The following ADD1 variants were observed in gnomAD, a reference collection of about 807,000 sequenced individuals.
ADD1 encodes the protein adducin 1, also known as alpha-adducin.
Under a neutral mutation model 80.5 loss-of-function variants are expected in ADD1, and 24 were observed. That is an observed-to-expected ratio of 0.30 (90% CI 0.22 to 0.42). The LOEUF (loss-of-function observed/expected upper bound fraction) is 0.42, where lower values mean the gene tolerates loss of function less well. Among genes scored for constraint, ADD1 ranks in the 10% least tolerant of loss-of-function variants. The pLI is 1.00. For synonymous variants in ADD1, 373 were observed against 393.8 expected, an observed-to-expected ratio of 0.95 and a Z score of 0.63; for missense variants, 948 against 1,019.0, an observed-to-expected ratio of 0.93 and a Z score of 0.95.
At chr4:2,870,773 C>T (rs747159857) in intron 1 of ADD1, among the ~76,000 whole-genome samples, 1 of 152,108 alleles carries the variant, frequency 6.6e-6, no homozygotes, top group Non-Finnish European at 1.5e-5. Flanking sequence ...ACTATTTCAA[C>T]CCTCCAAAGA....
chr4:2,878,714 T>C (rs1199493289), intron 2 of ADD1, among the ~76,000 whole-genome samples: 3 of 151,954 alleles, frequency 2.0e-5, no homozygotes, highest in Non-Finnish European at 4.4e-5. Flanking sequence ...CACTTGAGTT[T>C]AGGAGTTTGA....
intron 12 of ADD1, 39 bp downstream of exon 12, chr4:2,908,643 G>T (rs1368475984): frequency 6.5e-7 from 1 of 1,530,184 alleles, no homozygotes; most frequent in South Asian, 1.1e-5. Flanking sequence ...GTGGGTGGTG[G>T]CTGTGTGACC....
chr4:2,856,774 A>G (rs1728144811), intron 1 of ADD1, among the ~76,000 whole-genome samples: 1 of 151,408 alleles, frequency 6.6e-6, no homozygotes, highest in African/African-American at 2.4e-5. Context: ...TATTTTTAAT[A>G]GAGATGGGGT....
chr4:2,863,203 G>A (rs1037268269), intron 1 of ADD1, among the ~76,000 whole-genome samples: 4 of 148,720 alleles, frequency 2.7e-5, no homozygotes, highest in Non-Finnish European at 4.4e-5. Flanking sequence ...ATGCCACCAC[G>A]CCCAGCTAAT....
chr4:2,858,937 C>T lies in ADD1; in HGVS notation c.-21+14913C>T, dbSNP rs35492071. ...GCCCCAACAACCTGGGAACATATCA[C>T]CGAGTGTATTTTATTACAAATGTGG... is the stretch of plus-strand genomic sequence containing the variant. On this transcript the variant is annotated intron_variant, in intron 1 of 15. Coordinates refer to ENST00000683351, the MANE Select transcript of ADD1 (RefSeq NM_001354761.2). 9.9e-3 allele frequency among the ~76,000 whole-genome samples: 1,507 copies of T among 152,234 alleles called. 22 individuals carry two copies. The highest frequency in any genetic ancestry group is 0.034 in the African/African-American group (1,415 of 41,524).
At chr4:2,864,135 G>A (rs1045415161) in intron 1 of ADD1, among the ~76,000 whole-genome samples, 4 of 152,188 alleles carry the variant, frequency 2.6e-5, no homozygotes, top group Non-Finnish European at 4.4e-5. Context: ...ATTTATGGCC[G>A]GGCGTGGTGG....
At chr4:2,898,883 A>C (rs1338116043) in intron 8 of ADD1, 1 of 385,448 alleles carries the variant, frequency 2.6e-6, no homozygotes, top group African/African-American at 2.0e-5. Context: ...AGGTATACAG[A>C]AGTAGAGACT....
At chr4:2,882,864 G>T (rs77730150) in intron 3 of ADD1, among the ~76,000 whole-genome samples, 24 of 150,438 alleles carry the variant, frequency 1.6e-4, no homozygotes, top group South Asian at 1.5e-3. Flanking sequence ...GTTTTTTTTT[G>T]TTGTTGTTGT....
At chr4:2,874,377 C>T (rs191582145) in intron 1 of ADD1, among the ~76,000 whole-genome samples, 1,745 of 152,158 alleles carry the variant, frequency 0.011, 14 homozygotes, top group Non-Finnish European at 0.017. Flanking sequence ...GAGGCCTAGG[C>T]GGGCGGATCA....
Position 2,926,044 on chromosome 4 carries a change from A to T in ADD1, c.1979A>T (p.Glu660Val). 1 of 1,614,084 alleles carries T rather than the reference A, an allele frequency of 6.2e-7. No individual in the cohort carries two copies. The highest frequency in any genetic ancestry group is 8.5e-7 in the Non-Finnish European group (1 of 1,179,968). Reference sequence around the variant, plus strand: ...CTGGACGAGGCTAGAGAACAGAAAGAAAAGAGTCCTCCAGACCAGCCTGCG... The same window carrying T: ...CTGGACGAGGCTAGAGAACAGAAAGTAAAGAGTCCTCCAGACCAGCCTGCG... Reference protein sequence around the residue: ...ENLDEAREQKEKSPPDQPAVP... With the variant: ...ENLDEAREQKVKSPPDQPAVP... Residue 660 changes from glutamate (E) to valine (V), a missense_variant, in exon 15 of 16, where the codon GAA becomes GTA. Coordinates refer to ENST00000683351, the MANE Select transcript of ADD1 (RefSeq NM_001354761.2). This position sits in a 1 kb window ranked among gnomAD's most constrained non-coding sequence, Gnocchi z 5.0.
At chr4:2,852,140 T>TTCTTTCTTTCTC (rs1727199223) in intron 1 of ADD1, among the ~76,000 whole-genome samples, 1 of 71,250 alleles carries the variant, frequency 1.4e-5, no homozygotes, top group African/African-American at 6.5e-5. Flanking sequence ...CCGGCCTCTT[T>TTCTTTCTTTCTC]TCTTTCTTTC....
chr4:2,884,936 A>C (rs1733005399), intron 4 of ADD1, among the ~76,000 whole-genome samples: 1 of 152,226 alleles, frequency 6.6e-6, no homozygotes, highest in African/African-American at 2.4e-5. Context: ...AGTTTCTAAA[A>C]TTATTTTTAT....
At chr4:2,862,332 G>A (rs1411028117) in intron 1 of ADD1, among the ~76,000 whole-genome samples, 1 of 152,224 alleles carries the variant, frequency 6.6e-6, no homozygotes, top group East Asian at 1.9e-4. Flanking sequence ...TTTAGGAGCT[G>A]TAGATTCAAA....
chr4:2,908,643 G>A, intron 12 of ADD1, 39 bp downstream of exon 12: 1 of 1,530,182 alleles, frequency 6.5e-7, no homozygotes. Flanking sequence ...GTGGGTGGTG[G>A]CTGTGTGACC....
At position 2,894,862 on chromosome 4, in the gene ADD1, T is replaced by C. The variant is rs1734928588; in HGVS notation, c.741+131T>C. ...TTTGTTGAATATAAAAAAAAAGGTG[T>C]ACCACTAAGTTTGACTTTCTTAAAA... On this transcript the variant is annotated intron_variant, in intron 6 of 15. Transcript: ENST00000683351. 5.9e-6 allele frequency: 6 copies of C among 1,012,902 alleles called. No homozygotes were observed. The East Asian group carries it at 1.9e-4, about 33-fold the overall frequency. 62.7% of individuals were successfully genotyped at this position (1,012,902 alleles called of 1,614,324 possible).
intron 13 of ADD1, among the ~76,000 whole-genome samples, chr4:2,912,433 C>A (rs1246375825): frequency 2.0e-5 from 3 of 152,204 alleles, no homozygotes; most frequent in African/African-American, 7.2e-5. Context: ...CCTCGGGCTT[C>A]AGCTGTCTCA....
intron 4 of ADD1, among the ~76,000 whole-genome samples, chr4:2,887,338 C>T (rs554579909): frequency 6.6e-6 from 1 of 151,652 alleles, no homozygotes; most frequent in Admixed American, 6.6e-5. Flanking sequence ...GAAAGGGGGT[C>T]ATAGGGATTT....
At chr4:2,849,728 C>G (rs538409695) in intron 1 of ADD1, among the ~76,000 whole-genome samples, 1 of 152,124 alleles carries the variant, frequency 6.6e-6, no homozygotes, top group African/African-American at 2.4e-5. Context: ...AAATGTTTTC[C>G]CTCATCTGCA....
chr4:2,896,332 C>T (rs1735223762), intron 6 of ADD1, among the ~76,000 whole-genome samples: 4 of 152,036 alleles, frequency 2.6e-5, no homozygotes, highest in Admixed American at 1.3e-4. Context: ...ACTCAGCCTC[C>T]CAAGTAGCTG....
Sources: gnomAD v4.1 joint callset for allele counts (sites outside exome capture counted in the v4.1 genomes callset) on GRCh38, gnomAD v4.1.1 for gene constraint, Gnocchi (gnomAD v3.1) non-coding constraint, MANE v1.5 for transcripts, NCBI Gene and HGNC (gene_info 2026-07-23, HGNC 2026-07-21) for gene names.